MARCHF1: variants seen among roughly 807,000 people sequenced by gnomAD.
MARCHF1 encodes membrane associated ring-CH-type finger 1, also known as E3 ubiquitin-protein ligase MARCHF1.
A neutral mutation model predicts 54.2 loss-of-function variants in MARCHF1; 40 were observed. The ratio of observed to expected loss-of-function variants is 0.74; its 90% CI spans 0.57 to 0.96. The LOEUF is 0.96. Ranked by LOEUF, MARCHF1 falls within the 40% of genes least tolerant of loss-of-function variation. The pLI, the probability that MARCHF1 is intolerant of heterozygous loss-of-function variation, is 0.00. For missense variants in MARCHF1, 586 were observed against 656.5 expected (o/e 0.89, Z 1.17); for synonymous variants, 236 against 236.3 (o/e 1.00, Z 0.01).
At chr4:164,113,126 T>C (rs1405744096) in intron 1 of MARCHF1, among the ~76,000 whole-genome samples, 1 of 151,956 alleles carries the variant, frequency 6.6e-6, no homozygotes, top group African/African-American at 2.4e-5. Context: ...ACATTCTCTA[T>C]TTCAATGGAC....
intron 4 of MARCHF1, among the ~76,000 whole-genome samples, chr4:163,796,337 C>T (rs1329970514): frequency 1.3e-5 from 2 of 150,384 alleles, no homozygotes; most frequent in Admixed American, 1.3e-4. Context: ...AGTGATTCTC[C>T]TGCCTCAGCC....
intron 4 of MARCHF1, among the ~76,000 whole-genome samples, chr4:163,807,808 G>GTTTTTT (rs5863631): frequency 6.6e-6 from 1 of 150,558 alleles, no homozygotes; most frequent in Non-Finnish European, 1.5e-5. Context: ...GAAATCATAG[G>GTTTTTT]TTTTTTTTTG....
At chr4:164,203,335 G>T (rs1731507548) in intron 1 of MARCHF1, among the ~76,000 whole-genome samples, 1 of 152,050 alleles carries the variant, frequency 6.6e-6, no homozygotes, top group Non-Finnish European at 1.5e-5. Context: ...TAGAGAGAGG[G>T]AGAAACTTAT....
chr4:163,602,498 T>C (rs1331566121), intron 7 of MARCHF1, among the ~76,000 whole-genome samples: 1 of 152,122 alleles, frequency 6.6e-6, no homozygotes, highest in Non-Finnish European at 1.5e-5. Context: ...CCTGACTGTA[T>C]GTTGAGTAGT....
At chr4:164,035,208 A>G (rs572908853) in intron 2 of MARCHF1, among the ~76,000 whole-genome samples, 1 of 152,228 alleles carries the variant, frequency 6.6e-6, no homozygotes, top group South Asian at 2.1e-4. Context: ...TTTTAGTGAA[A>G]GTAGATGTTT....
chr4:163,719,021 C>T (rs1452716448), intron 4 of MARCHF1, among the ~76,000 whole-genome samples: 1 of 152,100 alleles, frequency 6.6e-6, no homozygotes, highest in Non-Finnish European at 1.5e-5. Context: ...GTGGGTATAT[C>T]TTCAAGCTCA....
intron 3 of MARCHF1, among the ~76,000 whole-genome samples, chr4:163,955,911 C>A (rs1331551692): frequency 6.6e-6 from 1 of 151,762 alleles, no homozygotes; most frequent in Admixed American, 6.6e-5. Flanking sequence ...AAAAGCTGCT[C>A]AAAAATTGTC....
chr4:164,027,220 C>T (rs1478553267), intron 2 of MARCHF1, among the ~76,000 whole-genome samples: 2 of 151,454 alleles, frequency 1.3e-5, no homozygotes, highest in African/African-American at 4.8e-5. Context: ...TTTTTCACAG[C>T]ATTATACAAA....
chr4:163,770,260 C>T (rs181162754), intron 4 of MARCHF1, among the ~76,000 whole-genome samples: 230 of 152,222 alleles, frequency 1.5e-3, no homozygotes, highest in African/African-American at 5.3e-3. Flanking sequence ...CCAACTTCCA[C>T]ATTGTTCAAG....
chr4:163,831,777 T>C (rs578111208), intron 4 of MARCHF1, among the ~76,000 whole-genome samples: 5 of 152,182 alleles, frequency 3.3e-5, no homozygotes, highest in Non-Finnish European at 7.4e-5. Context: ...ATTTGTCAGC[T>C]GAAATTCAGC....
intron 1 of MARCHF1, among the ~76,000 whole-genome samples, chr4:164,284,251 G>A (rs986757342): frequency 1.3e-5 from 2 of 150,556 alleles, no homozygotes. Context: ...TGTAAGTATA[G>A]GCCAAATGAA....
intron 1 of MARCHF1, among the ~76,000 whole-genome samples, chr4:164,256,445 A>AG: frequency 6.6e-6 from 1 of 150,494 alleles, no homozygotes; most frequent in Admixed American, 6.6e-5. Flanking sequence ...AAAAAAAAAA[A>AG]AAAGAAAGAA....
At chr4:163,910,896 C>A (rs572373331) in intron 3 of MARCHF1, among the ~76,000 whole-genome samples, 1 of 152,130 alleles carries the variant, frequency 6.6e-6, no homozygotes, top group South Asian at 2.1e-4. Context: ...GCTACATGTT[C>A]GACTCCTGAC....
At chr4:163,744,787 A>G (rs1486675373) in intron 4 of MARCHF1, among the ~76,000 whole-genome samples, 4 of 152,198 alleles carry the variant, frequency 2.6e-5, no homozygotes, top group African/African-American at 9.6e-5. Flanking sequence ...CACAGGATTG[A>G]GTCAAGCTGT....
chr4:163,873,093 A>G (rs1750213350), intron 3 of MARCHF1, among the ~76,000 whole-genome samples: 1 of 152,166 alleles, frequency 6.6e-6, no homozygotes, highest in Admixed American at 6.5e-5. Context: ...ACAAACAAAA[A>G]AAATGATGAA....
chr4:163,582,645 TG>T (rs1162070685), intron 8 of MARCHF1, among the ~76,000 whole-genome samples: 1 of 152,226 alleles, frequency 6.6e-6, no homozygotes, highest in Non-Finnish European at 1.5e-5. Flanking sequence ...TCATGTGGGT[TG>T]TTCTTTAGAA....
At chr4:163,967,438 C>A (rs1045386213) in intron 3 of MARCHF1, among the ~76,000 whole-genome samples, 1 of 152,162 alleles carries the variant, frequency 6.6e-6, no homozygotes, top group African/African-American at 2.4e-5. Flanking sequence ...AAAGGCAAAT[C>A]ACTTTGGCAA....
chr4:164,266,866 T>G lies in MARCHF1; in HGVS notation c.-323+117004A>C, dbSNP rs1733624051. Among the ~76,000 whole-genome samples the G allele has an allele frequency of 2.0e-5, 3 of 152,238 alleles. No homozygotes were observed. The South Asian group carries it at 6.2e-4, about 31-fold the overall frequency. Reference sequence around the variant, plus strand: ...AAATTTAGAAAATGACAAATTCTTCTGCTTAGCTAAGCAACAGAGAAGGTA... The same window carrying G: ...AAATTTAGAAAATGACAAATTCTTCGGCTTAGCTAAGCAACAGAGAAGGTA... On this transcript the variant is annotated intron_variant, in intron 1 of 9. Transcript: ENST00000514618.
intron 3 of MARCHF1, among the ~76,000 whole-genome samples, chr4:163,908,612 A>G (rs1457793240): frequency 6.6e-6 from 1 of 152,148 alleles, no homozygotes; most frequent in Non-Finnish European, 1.5e-5. Flanking sequence ...TGGGAATTCT[A>G]GAAAGATAGA....
Sources: gnomAD v4.1 joint callset for allele counts (sites outside exome capture counted in the v4.1 genomes callset) on GRCh38, gnomAD v4.1.1 for gene constraint, MANE v1.5 for transcripts, NCBI Gene and HGNC (gene_info 2026-07-23, HGNC 2026-07-21) for gene names.